The following TENM2 variants were observed in gnomAD, a reference collection of about 807,000 sequenced individuals.
TENM2 encodes teneurin-2.
A neutral mutation model predicts 245.2 loss-of-function variants in TENM2; 52 were observed. The observed-to-expected ratio is 0.21, with a 90% CI of 0.17 to 0.27. TENM2 has a LOEUF of 0.27. Ranked by LOEUF, TENM2 falls within the 10% of genes least tolerant of loss-of-function variation. The pLI is 1.00. For missense variants in TENM2, 3,046 were observed against 3,666.8 expected (o/e 0.83, Z 4.37); for synonymous variants, 1,363 against 1,438.9 (o/e 0.95, Z 1.19).
At chr5:167,258,942 G>T in the TENM2 span, among the ~76,000 whole-genome samples, 2 of 152,152 alleles carry the variant, frequency 1.3e-5, no homozygotes, top group African/African-American at 2.4e-5. Flanking sequence ...TAAGGTTTAT[G>T]TATGGGAGAA....
intron 2 of TENM2, among the ~76,000 whole-genome samples, chr5:167,431,228 G>A (rs1344683515): frequency 6.6e-6 from 1 of 152,072 alleles, no homozygotes; most frequent in African/African-American, 2.4e-5. Context: ...CATTACATAT[G>A]GAAGAAAATG....
At chr5:167,003,700 A>G in the TENM2 span, among the ~76,000 whole-genome samples, 3 of 152,170 alleles carry the variant, frequency 2.0e-5, no homozygotes, top group African/African-American at 7.2e-5. Context: ...AATTACAGGG[A>G]AAGACAGTTG....
At chr5:167,476,187 T>C (rs2127520936) in intron 2 of TENM2, among the ~76,000 whole-genome samples, 1 of 152,346 alleles carries the variant, frequency 6.6e-6, no homozygotes, top group Admixed American at 6.5e-5. Flanking sequence ...ATGGATATTC[T>C]TATTCGGTCT....
chr5:168,080,516 T>C (rs1285217156), intron 7 of TENM2, among the ~76,000 whole-genome samples: 1 of 152,228 alleles, frequency 6.6e-6, no homozygotes, highest in Non-Finnish European at 1.5e-5. Flanking sequence ...CTTTTAATTG[T>C]GATGTTAGGG....
chr5:167,740,797 A>G (rs1761127727), intron 2 of TENM2, among the ~76,000 whole-genome samples: 1 of 152,274 alleles, frequency 6.6e-6, no homozygotes, highest in Non-Finnish European at 1.5e-5. Flanking sequence ...CTGAAACAAT[A>G]TATTCCTAAC....
At chr5:168,230,715 A>ATGTT (rs1220142695) in intron 25 of TENM2, among the ~76,000 whole-genome samples, 12 of 152,302 alleles carry the variant, frequency 7.9e-5, no homozygotes, top group Non-Finnish European at 1.6e-4. Context: ...TATTCAAAAG[A>ATGTT]TGTTTATTAG....
At chr5:167,604,659 G>A (rs1003218174) in intron 2 of TENM2, among the ~76,000 whole-genome samples, 9 of 152,298 alleles carry the variant, frequency 5.9e-5, no homozygotes, top group Admixed American at 1.3e-4. Flanking sequence ...GCATCAGGAG[G>A]TCATCAGGAT....
the TENM2 span, among the ~76,000 whole-genome samples, chr5:167,186,291 G>T: frequency 6.6e-6 from 1 of 152,068 alleles, no homozygotes; most frequent in Non-Finnish European, 1.5e-5. Flanking sequence ...TAATATAGAC[G>T]TATTGCCTGA....
chr5:167,327,232 G>A (rs1437744799), intron 1 of TENM2, among the ~76,000 whole-genome samples: 1 of 152,042 alleles, frequency 6.6e-6, no homozygotes, highest in Non-Finnish European at 1.5e-5. Context: ...GTGTCCATGT[G>A]TTCTCATTGT....
chr5:167,389,971 C>G (rs1305813000), intron 2 of TENM2, among the ~76,000 whole-genome samples: 1 of 152,252 alleles, frequency 6.6e-6, no homozygotes, highest in East Asian at 1.9e-4. Context: ...CGATGCATCT[C>G]ACTTTTTAGT....
At chr5:167,570,609 C>G (rs536999578) in intron 2 of TENM2, among the ~76,000 whole-genome samples, 4 of 151,798 alleles carry the variant, frequency 2.6e-5, no homozygotes, top group Admixed American at 1.3e-4. Context: ...GGCGGTGTTA[C>G]GATCTCTGGT....
intron 2 of TENM2, among the ~76,000 whole-genome samples, chr5:167,670,705 C>T (rs968019540): frequency 6.6e-6 from 1 of 152,168 alleles, no homozygotes; most frequent in African/African-American, 2.4e-5. Context: ...TATCCTTCCA[C>T]TTTTTTCCTT....
intron 2 of TENM2, among the ~76,000 whole-genome samples, chr5:167,770,860 G>T (rs982955486): frequency 6.6e-6 from 1 of 152,118 alleles, no homozygotes; most frequent in African/African-American, 2.4e-5. Context: ...TAAAATGAGG[G>T]TTTGAGGGCT....
At chr5:168,103,006 G>A (rs376341688) in intron 9 of TENM2, among the ~76,000 whole-genome samples, 28 of 152,206 alleles carry the variant, frequency 1.8e-4, no homozygotes, top group African/African-American at 5.3e-4. Flanking sequence ...CATTAGGTAT[G>A]TCTCCTAATG....
At chr5:167,008,845 A>C in the TENM2 span, among the ~76,000 whole-genome samples, 1 of 152,154 alleles carries the variant, frequency 6.6e-6, no homozygotes, top group Non-Finnish European at 1.5e-5. Context: ...TATTTGGGTC[A>C]GTGTGCACAA....
chr5:167,329,957 A>G (rs1581759413), intron 1 of TENM2, among the ~76,000 whole-genome samples: 1 of 152,168 alleles, frequency 6.6e-6, no homozygotes, highest in African/African-American at 2.4e-5. Context: ...ACCATTTATT[A>G]TAAAACAAAT....
At chr5:167,405,747 G>T (rs2127393997) in intron 2 of TENM2, among the ~76,000 whole-genome samples, 1 of 116,804 alleles carries the variant, frequency 8.6e-6, no homozygotes, top group East Asian at 2.6e-4. Context: ...TAGATATAGT[G>T]CAATTCAAAC....
chr5:167,869,908 A>T (rs150521075), intron 2 of TENM2, among the ~76,000 whole-genome samples: 1 of 152,236 alleles, frequency 6.6e-6, no homozygotes, highest in African/African-American at 2.4e-5. Flanking sequence ...TTTTATTTGC[A>T]TAGAAATAAT....
At position 168,040,108 on chromosome 5, in the gene TENM2, T is replaced by C. The variant is rs1475440479; in HGVS notation, c.1187-7319T>C. ...ACACACTGCTCCCTGATCCCAGAGC[T>C]GCCTCACGCAACTATCACCTTGTTC... On this transcript the variant is annotated intron_variant, in intron 5 of 28. Transcript: ENST00000518659. Among the ~76,000 whole-genome samples, 4 of 152,192 alleles carry C rather than the reference T, an allele frequency of 2.6e-5. No individual in the cohort carries two copies. The East Asian group carries it at 7.7e-4, about 29-fold the overall frequency.
Sources: gnomAD v4.1 joint callset for allele counts (sites outside exome capture counted in the v4.1 genomes callset) on GRCh38, gnomAD v4.1.1 for gene constraint, MANE v1.5 for transcripts, NCBI Gene and HGNC (gene_info 2026-07-23, HGNC 2026-07-21) for gene names.